Variants in CDC14A observed in about 807,000 individuals in gnomAD.
CDC14A encodes the protein cell division cycle 14A, also known as dual specificity protein phosphatase CDC14A.
Under a neutral mutation model 74.4 loss-of-function variants are expected in CDC14A, and 53 were observed. That is an observed-to-expected ratio of 0.71 (90% CI 0.57 to 0.89). The LOEUF is 0.89. Among genes scored for constraint, CDC14A ranks in the 40% least tolerant of loss-of-function variants. The pLI is 0.00. For synonymous variants in CDC14A, 247 were observed against 258.4 expected, an observed-to-expected ratio of 0.96 and a Z score of 0.43; for missense variants, 646 against 713.7, an observed-to-expected ratio of 0.91 and a Z score of 1.08.
rs367855546 is a variant in CDC14A at position 100,518,270 on chromosome 1, T to C, written c.1775T>C (p.Val592Ala). Reference protein sequence around the residue: ...RSIPSLQSEYVHY With the variant: ...RSIPSLQSEYAHY ...GCACAGTCCCTTCAGTCTGAATATG[T>C]TCATTACTAAGGCCTTGCCACTCCA... Residue 592 changes from valine (V) to alanine (A), a missense_variant, in exon 16 of 16, where the codon GTT (valine) becomes GCT (alanine). Coordinates refer to ENST00000336454, the MANE Select transcript of CDC14A (RefSeq NM_003672.4). 1.4e-5 allele frequency: 22 copies of C among 1,611,488 alleles called. No individual in the cohort carries two copies. In the African/African-American group the frequency reaches 2.7e-4, roughly 20 times the overall value.
chr1:100,460,592 C>CT (rs1667223575), intron 8 of CDC14A, among the ~76,000 whole-genome samples: 2 of 152,132 alleles, frequency 1.3e-5, no homozygotes. Flanking sequence ...AACTACAGTT[C>CT]TTTTTTTGCT....
chr1:100,445,663 A>C lies in CDC14A; in HGVS notation c.519+2667A>C, dbSNP rs991877646. 1.2e-4 allele frequency among the ~76,000 whole-genome samples: 19 copies of C among 152,266 alleles called. No individual in the cohort carries two copies. The East Asian group carries it at 3.7e-3, about 29-fold the overall frequency. ...AATGGTGATGCTGAGGGTTAGTTGA[A>C]AAAAATCTTGAAAAACCTGAAGCAG... On this transcript the variant is annotated intron_variant, in intron 7 of 15. Transcript: ENST00000336454.
At chr1:100,466,886 A>AT (rs1239142620) in intron 9 of CDC14A, among the ~76,000 whole-genome samples, 1 of 137,704 alleles carries the variant, frequency 7.3e-6, no homozygotes, top group African/African-American at 3.6e-5. Context: ...AAAAAAAAAA[A>AT]AAAAGAAGGG....
In CDC14A at chr1:100,462,645, C is replaced by T. The variant is rs758705394; in HGVS notation, c.608-6C>T. On this transcript the variant is annotated splice_region_variant and splice_polypyrimidine_tract_variant and intron_variant, in intron 8 of 15. Coordinates refer to ENST00000336454, the MANE Select transcript of CDC14A (RefSeq NM_003672.4). ...CCTTTTGCTTACTGCTCCTTTGTTCCTTTAGGTTATCCTCTTCACGCCCCT... is the reference window on the plus strand; with the variant it reads ...CCTTTTGCTTACTGCTCCTTTGTTCTTTTAGGTTATCCTCTTCACGCCCCT... 1.9e-6 allele frequency: 3 copies of T among 1,611,004 alleles called. No homozygotes were observed. The East Asian group carries it at 6.7e-5, about 36-fold the overall frequency.
chr1:100,383,346 G>A (rs914003891), intron 3 of CDC14A: 16 of 152,562 alleles, frequency 1.0e-4, no homozygotes, highest in East Asian at 1.9e-4. Context: ...TTAATGAAAT[G>A]TATTGGGTTT....
At chr1:100,494,692 A>T in intron 11 of CDC14A, 126 bp from the exon 12 acceptor site, 5 of 548,586 alleles carry the variant, frequency 9.1e-6, no homozygotes, top group South Asian at 5.3e-5. Context: ...GCTGATTCAC[A>T]GTACCTTTAG....
chr1:100,426,828 A>C (rs1663020043), intron 5 of CDC14A, among the ~76,000 whole-genome samples: 1 of 152,224 alleles, frequency 6.6e-6, no homozygotes, highest in Non-Finnish European at 1.5e-5. Flanking sequence ...TAGGATACCA[A>C]GAGTTGTATT....
At chr1:100,415,952 A>G (rs941304452) in intron 4 of CDC14A, among the ~76,000 whole-genome samples, 21 of 152,202 alleles carry the variant, frequency 1.4e-4, no homozygotes, top group Non-Finnish European at 1.0e-4. Context: ...GATTAAGAAA[A>G]TAATGTTGCT....
rs1263332524 is a variant in CDC14A at position 100,518,248 on chromosome 1, C to T, written c.1756-3C>T. On this transcript the variant is annotated splice_polypyrimidine_tract_variant and splice_region_variant and intron_variant, in intron 15 of 15. Coordinates refer to ENST00000336454, the MANE Select transcript of CDC14A (RefSeq NM_003672.4). ...ACCTCAGTTTATGTCTCTCCCTGCA[C>T]AGTCCCTTCAGTCTGAATATGTTCA... The T allele has an allele frequency of 6.2e-7, 1 of 1,610,398 alleles. No homozygotes were observed. Among genetic ancestry groups the T allele is most frequent in the Non-Finnish European group, 8.5e-7 (1 of 1,177,022 alleles).
chr1:100,369,783 C>A (rs1654182002), intron 2 of CDC14A, among the ~76,000 whole-genome samples: 1 of 151,630 alleles, frequency 6.6e-6, no homozygotes, highest in South Asian at 2.1e-4. Context: ...AAATTCTTTC[C>A]TGAGGCCGAT....
At chr1:100,391,921 C>T (rs1322701611) in intron 4 of CDC14A, among the ~76,000 whole-genome samples, 1 of 152,242 alleles carries the variant, frequency 6.6e-6, no homozygotes, top group African/African-American at 2.4e-5. Context: ...CCTTGGCCTA[C>T]CCCTTGTGGC....
At chr1:100,482,058 A>G (rs1328097652) in intron 10 of CDC14A, among the ~76,000 whole-genome samples, 2 of 152,218 alleles carry the variant, frequency 1.3e-5, no homozygotes, top group Non-Finnish European at 2.9e-5. Context: ...TTTAATATTC[A>G]GGTTCAAATC....
At chr1:100,512,975 G>A (rs920843573) in intron 15 of CDC14A, among the ~76,000 whole-genome samples, 1 of 152,066 alleles carries the variant, frequency 6.6e-6, no homozygotes, top group South Asian at 2.1e-4. Flanking sequence ...TGGGTGACAG[G>A]TGCACTAAAG....
intron 10 of CDC14A, among the ~76,000 whole-genome samples, chr1:100,474,207 A>C (rs1668668238): frequency 6.6e-6 from 1 of 152,202 alleles, no homozygotes. Flanking sequence ...CCATTTGGTC[A>C]TGGTGTGTAA....
At chr1:100,491,994 G>T (rs1199801651) in intron 11 of CDC14A, among the ~76,000 whole-genome samples, 1 of 151,940 alleles carries the variant, frequency 6.6e-6, no homozygotes, top group Admixed American at 6.6e-5. Context: ...GGTGGCTCCT[G>T]TGAGGGTGTT....
intron 15 of CDC14A, among the ~76,000 whole-genome samples, chr1:100,502,246 C>T (rs1648812438): frequency 6.6e-6 from 1 of 152,192 alleles, no homozygotes; most frequent in South Asian, 2.1e-4. Flanking sequence ...CTGACTCACC[C>T]AGAGTAACTT....
intron 2 of CDC14A, among the ~76,000 whole-genome samples, chr1:100,374,113 G>A (rs1313296478): frequency 6.6e-6 from 1 of 152,100 alleles, no homozygotes; most frequent in African/African-American, 2.4e-5. Context: ...TTTCATCCAT[G>A]TCCCTACAAA....
At chr1:100,379,919 A>T (rs1655850221) in intron 3 of CDC14A, among the ~76,000 whole-genome samples, 1 of 151,964 alleles carries the variant, frequency 6.6e-6, no homozygotes, top group Non-Finnish European at 1.5e-5. Flanking sequence ...GTGAAAACCC[A>T]CTCAATCCCC....
chr1:100,379,375 G>A (rs1236460862), intron 3 of CDC14A, among the ~76,000 whole-genome samples: 1 of 152,132 alleles, frequency 6.6e-6, no homozygotes, highest in Non-Finnish European at 1.5e-5. Context: ...TAATCTGTTG[G>A]TTGTCTGGAA....
Sources: allele counts gnomAD v4.1 joint callset (sites outside exome capture counted in the v4.1 genomes callset), GRCh38; gene constraint gnomAD v4.1.1; transcripts MANE v1.5; gene names NCBI Gene and HGNC (gene_info 2026-07-23, HGNC 2026-07-21).